STK32B: variants seen among roughly 807,000 people sequenced by gnomAD.
The protein encoded by STK32B is serine/threonine kinase 32B.
Under a neutral mutation model 52.6 loss-of-function variants are expected in STK32B, and 43 were observed. The observed-to-expected ratio is 0.82, with a 90% confidence interval of 0.64 to 1.05. The LOEUF (loss-of-function observed/expected upper bound fraction) is 1.05, where lower values mean the gene tolerates loss of function less well. STK32B is among the 50% of genes least tolerant of loss of function. The pLI, the probability that STK32B is intolerant of heterozygous loss-of-function variation, is 0.00. For synonymous variants in STK32B, 238 were observed against 204.3 expected, an observed-to-expected ratio of 1.17 and a Z score of -1.41; for missense variants, 621 against 534.6, an observed-to-expected ratio of 1.16 and a Z score of -1.59.
chr4:5,321,600 A>G (rs1731495555), intron 3 of STK32B, among the ~76,000 whole-genome samples: 1 of 152,128 alleles, frequency 6.6e-6, no homozygotes, highest in Non-Finnish European at 1.5e-5. Flanking sequence ...CTCCTCTATC[A>G]GTCTTACCTG....
chr4:5,353,081 T>C (rs937181054), intron 4 of STK32B, among the ~76,000 whole-genome samples: 5 of 151,948 alleles, frequency 3.3e-5, no homozygotes, highest in Non-Finnish European at 5.9e-5. Context: ...GGGAAAAAAA[T>C]AGAAAATACA....
intron 6 of STK32B, among the ~76,000 whole-genome samples, chr4:5,431,820 G>A (rs1713610877): frequency 6.6e-6 from 1 of 152,166 alleles, no homozygotes; most frequent in African/African-American, 2.4e-5. Flanking sequence ...ATGTAAGCGT[G>A]TGACACCTGA....
intron 4 of STK32B, among the ~76,000 whole-genome samples, chr4:5,342,518 C>T (rs1733155331): frequency 6.6e-6 from 1 of 151,598 alleles, no homozygotes; most frequent in Non-Finnish European, 1.5e-5. Flanking sequence ...CTTGGCCATA[C>T]ACTTTTAAAC....
At chr4:5,264,320 A>C (rs905427147) in intron 3 of STK32B, among the ~76,000 whole-genome samples, 1 of 152,148 alleles carries the variant, frequency 6.6e-6, no homozygotes, top group Non-Finnish European at 1.5e-5. Flanking sequence ...AGTTTTCTTA[A>C]TTATAGCCAT....
Position 5,335,798 on chromosome 4 carries a change from T to A in STK32B, c.434+4405T>A, listed in dbSNP as rs1732635310. Among the ~76,000 whole-genome samples, 3 of 152,088 alleles carry A rather than the reference T, an allele frequency of 2.0e-5. No homozygotes were observed. In the South Asian group the frequency reaches 6.2e-4, roughly 32 times the overall value. On this transcript the variant is annotated intron_variant, in intron 4 of 11. Transcript: ENST00000282908. ...ATGTAGTTGAGCAGTTTTGAGTGAG[T>A]TTCTTAATCCTGAGTTGTAGTTTGA... is the stretch of plus-strand genomic sequence containing the variant.
chr4:5,223,721 G>A (rs765332891), intron 3 of STK32B, among the ~76,000 whole-genome samples: 1 of 151,302 alleles, frequency 6.6e-6, no homozygotes, highest in Non-Finnish European at 1.5e-5. Context: ...GGAGGCTGAG[G>A]CAGGAGAATG....
intron 11 of STK32B, among the ~76,000 whole-genome samples, chr4:5,479,117 G>T (rs1337905493): frequency 3.4e-5 from 4 of 117,130 alleles, no homozygotes; most frequent in South Asian, 6.1e-4. Flanking sequence ...GTTTGTTTTT[G>T]TTTTTGTTTT....
intron 7 of STK32B, among the ~76,000 whole-genome samples, chr4:5,447,583 C>T (rs1715577299): frequency 6.6e-6 from 1 of 152,156 alleles, no homozygotes; most frequent in Non-Finnish European, 1.5e-5. Flanking sequence ...CTGCAGTGAG[C>T]CATGATGGCA....
At chr4:5,360,744 C>T (rs28700034) in intron 4 of STK32B, among the ~76,000 whole-genome samples, 1,717 of 152,056 alleles carry the variant, frequency 0.011, 20 homozygotes, top group South Asian at 0.058. Context: ...AGGTGGAGGA[C>T]GCAGTGAACC....
At chr4:5,495,133 AT>A in intron 11 of STK32B, among the ~76,000 whole-genome samples, 1 of 152,254 alleles carries the variant, frequency 6.6e-6, no homozygotes, top group African/African-American at 2.4e-5. Flanking sequence ...GCCTTGCTAG[AT>A]TGGGGAAGTT....
chr4:5,464,446 G>A (rs542335643), intron 9 of STK32B, among the ~76,000 whole-genome samples: 1 of 152,338 alleles, frequency 6.6e-6, no homozygotes, highest in South Asian at 2.1e-4. Flanking sequence ...ACACTCTGTC[G>A]CAGTGCGCCT....
intron 3 of STK32B, among the ~76,000 whole-genome samples, chr4:5,248,104 CA>C (rs1725593750): frequency 1.3e-5 from 2 of 152,256 alleles, no homozygotes; most frequent in South Asian, 4.1e-4. Flanking sequence ...TGGGTGTTTT[CA>C]GGATATGCAA....
intron 1 of STK32B, among the ~76,000 whole-genome samples, chr4:5,115,357 T>G (rs1714656675): frequency 6.6e-6 from 1 of 152,144 alleles, no homozygotes; most frequent in Non-Finnish European, 1.5e-5. Context: ...AGTCAGAGTT[T>G]GTGGGGTAGA....
chr4:5,142,594 C>G (rs775436205), intron 2 of STK32B, among the ~76,000 whole-genome samples: 2 of 152,202 alleles, frequency 1.3e-5, no homozygotes, highest in African/African-American at 2.4e-5. Flanking sequence ...AACAGACATT[C>G]ACTGGGCCAC....
chr4:5,078,961 TG>T (rs1231350911), intron 1 of STK32B, among the ~76,000 whole-genome samples: 9 of 152,346 alleles, frequency 5.9e-5, no homozygotes, highest in East Asian at 1.9e-4. Flanking sequence ...AAAGTAAAAT[TG>T]TTTTTTTATA....
intron 1 of STK32B, among the ~76,000 whole-genome samples, chr4:5,102,839 G>A (rs1424867882): frequency 2.4e-5 from 3 of 125,168 alleles, no homozygotes; most frequent in East Asian, 2.8e-4. Flanking sequence ...CACCGCACTC[G>A]ACCTCTCTCC....
At chr4:5,357,056 C>T (rs867893955) in intron 4 of STK32B, among the ~76,000 whole-genome samples, 40 of 150,398 alleles carry the variant, frequency 2.7e-4, no homozygotes, top group African/African-American at 7.9e-4. Context: ...TACACACACA[C>T]ATATATACAC....
chr4:5,283,715 G>A (rs1728360046), intron 3 of STK32B, among the ~76,000 whole-genome samples: 1 of 152,138 alleles, frequency 6.6e-6, no homozygotes, highest in Non-Finnish European at 1.5e-5. Flanking sequence ...AAACACAATT[G>A]TAAATCAGGA....
Position 5,447,653 on chromosome 4 carries a change from T to C in STK32B, c.666+877T>C, listed in dbSNP as rs562503990. On this transcript the variant is annotated intron_variant, in intron 7 of 11. Transcript: ENST00000282908. ...CCTGTCTCAGAAAAAGAAAGTACTT[T>C]GACTAAAATTCATTTTGAGGTGTTA... is the stretch of plus-strand genomic sequence containing the variant. Among the ~76,000 whole-genome samples, 291 of 152,298 alleles carry C rather than the reference T, an allele frequency of 1.9e-3. 1 individual carries two copies. Among genetic ancestry groups the C allele is most frequent in the African/African-American group, 6.7e-3 (280 of 41,552 alleles).
Sources: allele counts gnomAD v4.1 joint callset (sites outside exome capture counted in the v4.1 genomes callset), GRCh38; gene constraint gnomAD v4.1.1; transcripts MANE v1.5; gene names NCBI Gene and HGNC (gene_info 2026-07-23, HGNC 2026-07-21).